ANKRD13A: variants seen among roughly 807,000 people sequenced by gnomAD.
ANKRD13A encodes ankyrin repeat domain 13A.
A neutral mutation model predicts 81.3 loss-of-function variants in ANKRD13A; 48 were observed. That is an observed-to-expected ratio of 0.59 (90% CI 0.47 to 0.75). The LOEUF (loss-of-function observed/expected upper bound fraction) is 0.75, where lower values mean the gene tolerates loss of function less well. Ranked by LOEUF, ANKRD13A falls within the 30% of genes least tolerant of loss-of-function variation. ANKRD13A has a pLI of 0.00. For missense variants in ANKRD13A, 612 were observed against 734.0 expected, an observed-to-expected ratio of 0.83 and a Z score of 1.92; for synonymous variants, 230 against 270.1, an observed-to-expected ratio of 0.85 and a Z score of 1.45.
intron 4 of ANKRD13A, among the ~76,000 whole-genome samples, chr12:110,017,862 G>A (rs1890870807): frequency 6.6e-6 from 1 of 151,966 alleles, no homozygotes; most frequent in Non-Finnish European, 1.5e-5. Context: ...AACCTGGGAG[G>A]CGGAGGTTGC....
intron 6 of ANKRD13A, chr12:110,021,978 T>G (rs1422818288): frequency 6.6e-6 from 1 of 151,814 alleles, no homozygotes; most frequent in Non-Finnish European, 1.5e-5. Flanking sequence ...GAAGTGGCCT[T>G]TGGTGTGGTC....
chr12:110,034,057 A>G (rs1453188129), intron 13 of ANKRD13A, 100 bp downstream of exon 13: 1 of 1,219,140 alleles, frequency 8.2e-7, no homozygotes, highest in Non-Finnish European at 1.1e-6. Context: ...TCTAAATATC[A>G]AGTTTGACAC....
At chr12:110,037,017 T>G (rs1695634574) in intron 14 of ANKRD13A, among the ~76,000 whole-genome samples, 2 of 152,188 alleles carry the variant, frequency 1.3e-5, no homozygotes. Flanking sequence ...GAGGAACAGC[T>G]CCAGAGATTA....
intron 1 of ANKRD13A, among the ~76,000 whole-genome samples, chr12:110,000,163 T>C (rs1889878520): frequency 6.6e-6 from 1 of 152,224 alleles, no homozygotes; most frequent in African/African-American, 2.4e-5. Context: ...TTTTAGGTTC[T>C]GCTGCCTCAA....
In ANKRD13A at chr12:110,023,067, C is replaced by T. The variant is rs973424558; in HGVS notation, c.735-979C>T. On this transcript the variant is annotated intron_variant, in intron 6 of 14. Transcript: ENST00000261739. ...TAATAACCGCATATGTTCTTTGTAA[C>T]GTGGCTAACCTGCTGCTGTTCCCTG... 5.3e-5 allele frequency among the ~76,000 whole-genome samples: 8 copies of T among 152,344 alleles called. No homozygotes were observed. In the South Asian group the frequency reaches 6.2e-4, roughly 12 times the overall value.
chr12:110,031,870 C>CT (rs58401827), intron 12 of ANKRD13A, among the ~76,000 whole-genome samples: 6 of 149,186 alleles, frequency 4.0e-5, no homozygotes, highest in South Asian at 2.1e-4. Context: ...AATTTTTTAT[C>CT]TTTTTTTTTT....
At chr12:110,027,918 G>T (rs536916136) in intron 9 of ANKRD13A, 152 bp downstream of exon 9, 37 of 668,462 alleles carry the variant, frequency 5.5e-5, no homozygotes, top group Non-Finnish European at 8.9e-5. Context: ...TTTTGGAAGA[G>T]AATTAGATGA....
chr12:110,011,062 G>A (rs1325919474), intron 1 of ANKRD13A, among the ~76,000 whole-genome samples: 2 of 151,328 alleles, frequency 1.3e-5, no homozygotes, highest in South Asian at 2.1e-4. Context: ...CTGTGATCAC[G>A]CCACTGCATA....
chr12:110,011,934 A>G (rs3759385), intron 1 of ANKRD13A, 71 bp from the exon 2 acceptor site: 16,576 of 1,428,058 alleles, frequency 0.012, 373 homozygotes, highest in African/African-American at 0.068. Context: ...TACTTGAAAT[A>G]TCTGTCAAGC....
Position 110,036,440 on chromosome 12 carries a change from A to C in ANKRD13A, c.1577+112A>C. On this transcript the variant is annotated intron_variant, in intron 14 of 14. Coordinates refer to ENST00000261739, the MANE Select transcript of ANKRD13A (RefSeq NM_033121.2). The surrounding 1 kb of genome is among the most constrained non-coding windows in gnomAD (Gnocchi z 4.6). Reference sequence around the variant, plus strand: ...TCCTCAGGCAGATGTACGGTGCCACAAACTGGCAGGAAAGACTAGAAAAAG... The same window carrying C: ...TCCTCAGGCAGATGTACGGTGCCACCAACTGGCAGGAAAGACTAGAAAAAG... The C allele has an allele frequency of 1.7e-6, 2 of 1,147,990 alleles. No individual in the cohort carries two copies. The highest frequency in any genetic ancestry group is 2.4e-5 in the East Asian group (1 of 42,034). The allele number at this position is 1,147,990 out of a possible 1,614,324, so 71.1% of individuals were successfully genotyped here. A position where few individuals can be genotyped will look rare whatever the true frequency, so the allele number is the denominator to read the frequency against.
rs759158522 is a variant in ANKRD13A, at chr12:110,036,609, G to A, written c.1577+281G>A. 4.6e-5 allele frequency among the ~76,000 whole-genome samples: 7 copies of A among 152,150 alleles called. No homozygotes were observed. The highest frequency in any genetic ancestry group is 2.1e-4 in the South Asian group (1 of 4,836). On this transcript the variant is annotated intron_variant, in intron 14 of 14. Transcript: ENST00000261739. The surrounding 1 kb of genome is among the most constrained non-coding windows in gnomAD (Gnocchi z 4.6). ...CTAAAAAAAATACAAAAAATTAGCC[G>A]GGCATGGTGCCAGGCACCTGTAGTC...
rs976005543 is a variant in ANKRD13A, at chr12:110,033,794, C to T, written c.1349-3C>T. 7 of 1,589,844 alleles carry T rather than the reference C, an allele frequency of 4.4e-6. No individual in the cohort carries two copies. Among genetic ancestry groups the T allele is most frequent in the Non-Finnish European group, 4.3e-6 (5 of 1,165,840 alleles). ...GACACTGGACGGTTGCCTTTTGTTT[C>T]AGCTTCCCACATCACAAACTTTGAG... On this transcript the variant is annotated splice_region_variant and splice_polypyrimidine_tract_variant and intron_variant, in intron 12 of 14. Transcript: ENST00000261739.
At chr12:110,010,652 G>A (rs1890472089) in intron 1 of ANKRD13A, among the ~76,000 whole-genome samples, 1 of 152,190 alleles carries the variant, frequency 6.6e-6, no homozygotes, top group Admixed American at 6.5e-5. Context: ...GGAACACTGA[G>A]GCCTGGGATT....
rs768224905 is a variant in ANKRD13A, at chr12:110,037,512, T to C, written c.1731T>C (p.Ala577=). The C allele has an allele frequency of 4.3e-6, 7 of 1,614,022 alleles. No homozygotes were observed. In the South Asian group the frequency reaches 4.4e-5, roughly 10 times the overall value. Reference sequence around the variant, plus strand: ...AGCTCCGGCTCCAGGAGGAAGAGGCTGAGCTCCAGCAAGTCTTACAGCTGT... The same window carrying C: ...AGCTCCGGCTCCAGGAGGAAGAGGCCGAGCTCCAGCAAGTCTTACAGCTGT... ...EWELRLQEEE[A]ELQQVLQLSL... Residue 577 remains alanine, a synonymous_variant, in exon 15 of 15, where the codon GCT becomes GCC. Transcript: ENST00000261739.
intron 1 of ANKRD13A, among the ~76,000 whole-genome samples, chr12:110,007,878 G>A (rs892327034): frequency 6.6e-6 from 1 of 152,196 alleles, no homozygotes; most frequent in African/African-American, 2.4e-5. Flanking sequence ...CTTGTGTCCT[G>A]AAACCTTGCT....
chr12:110,010,302 C>T (rs193238443), intron 1 of ANKRD13A, among the ~76,000 whole-genome samples: 1 of 152,278 alleles, frequency 6.6e-6, no homozygotes, highest in Non-Finnish European at 1.5e-5. Flanking sequence ...AAACCTAGCA[C>T]CTTTCATTTA....
chr12:110,001,487 T>C (rs917506567), intron 1 of ANKRD13A, among the ~76,000 whole-genome samples: 2 of 151,658 alleles, frequency 1.3e-5, no homozygotes, highest in Non-Finnish European at 2.9e-5. Context: ...TCATTCAGAC[T>C]TGAGTGCAGT....
chr12:110,009,508 G>A (rs1200628755), intron 1 of ANKRD13A, among the ~76,000 whole-genome samples: 1 of 152,100 alleles, frequency 6.6e-6, no homozygotes, highest in Non-Finnish European at 1.5e-5. Flanking sequence ...GTTCGTCAAT[G>A]TTGTTGACAT....
At chr12:110,025,962 C>A in intron 8 of ANKRD13A, 139 bp downstream of exon 8, 2 of 648,424 alleles carry the variant, frequency 3.1e-6, no homozygotes, top group Non-Finnish European at 5.0e-6. Context: ...CTCTCTCTCT[C>A]TCTTTTTTTT....
Sources: allele counts gnomAD v4.1 joint callset (sites outside exome capture counted in the v4.1 genomes callset), GRCh38; gene constraint gnomAD v4.1.1; non-coding constraint Gnocchi (gnomAD v3.1); transcripts MANE v1.5; gene names NCBI Gene and HGNC (gene_info 2026-07-23, HGNC 2026-07-21).